The following TAB2 variants were observed in gnomAD, a reference collection of about 807,000 sequenced individuals.
TAB2 encodes the protein TGF-beta-activated kinase 1 and MAP3K7-binding protein 2.
Under a neutral mutation model 65.0 loss-of-function variants are expected in TAB2, and 3 were observed. The ratio of observed to expected loss-of-function variants is 0.05; its 90% confidence interval spans 0.02 to 0.12. TAB2 has a LOEUF of 0.12. TAB2 is among the 10% of genes least tolerant of loss of function. TAB2 has a pLI of 1.00. For missense variants in TAB2, 623 were observed against 840.3 expected (o/e 0.74, Z 3.20); for synonymous variants, 298 against 285.1 (o/e 1.05, Z -0.46).
intron 1 of TAB2, among the ~76,000 whole-genome samples, chr6:149,237,140 G>A (rs532570459): frequency 1.1e-4 from 17 of 152,250 alleles, no homozygotes; most frequent in African/African-American, 4.1e-4. Context: ...TATGTATAAG[G>A]GTGTACAAAG....
intron 1 of TAB2, among the ~76,000 whole-genome samples, chr6:149,280,745 A>G (rs1393792279): frequency 1.3e-5 from 2 of 152,038 alleles, no homozygotes; most frequent in Non-Finnish European, 2.9e-5. Flanking sequence ...GTTTGAGACC[A>G]CCTGAATAAT....
chr6:149,280,447 G>T (rs1475165099), intron 1 of TAB2, among the ~76,000 whole-genome samples: 1 of 152,112 alleles, frequency 6.6e-6, no homozygotes, highest in Non-Finnish European at 1.5e-5. Context: ...TCCGCATGGT[G>T]CTTAACCCCT....
intron 3 of TAB2, 57 bp from the exon 4 acceptor site, chr6:149,397,547 T>C: frequency 1.9e-6 from 3 of 1,590,198 alleles, no homozygotes; most frequent in Admixed American, 1.7e-5. Flanking sequence ...CCAAGTCTGC[T>C]TAAAGGTTAA....
intron 1 of TAB2, among the ~76,000 whole-genome samples, chr6:149,242,839 C>T (rs765141712): frequency 6.6e-6 from 1 of 152,222 alleles, no homozygotes; most frequent in Non-Finnish European, 1.5e-5. Context: ...CCCCTGGTCA[C>T]ACCACGCAAA....
intron 1 of TAB2, among the ~76,000 whole-genome samples, chr6:149,268,772 A>G (rs1409468332): frequency 1.3e-5 from 2 of 152,218 alleles, no homozygotes; most frequent in African/African-American, 4.8e-5. Flanking sequence ...GTATATGACT[A>G]TCTTTTCTAA....
intron 1 of TAB2, among the ~76,000 whole-genome samples, chr6:149,326,162 G>A (rs1779610007): frequency 6.6e-6 from 1 of 151,160 alleles, no homozygotes; most frequent in Admixed American, 6.6e-5. Flanking sequence ...TATACAAATA[G>A]CATTCAATAC....
intron 1 of TAB2, among the ~76,000 whole-genome samples, chr6:149,359,764 A>G (rs1172370698): frequency 6.6e-6 from 1 of 152,162 alleles, no homozygotes; most frequent in South Asian, 2.1e-4. Flanking sequence ...TTCTGGCACC[A>G]GGGAATTTTT....
chr6:149,360,967 G>A (rs190326969), intron 1 of TAB2, among the ~76,000 whole-genome samples: 8 of 152,266 alleles, frequency 5.3e-5, no homozygotes, highest in South Asian at 4.1e-4. Context: ...TCCATGTCCC[G>A]CATCCAGGCC....
At chr6:149,347,078 A>C (rs1232786116) in intron 1 of TAB2, 1 of 152,244 alleles carries the variant, frequency 6.6e-6, no homozygotes, top group Non-Finnish European at 1.5e-5. Context: ...ATGAGGTATG[A>C]ATTATAAAAT....
chr6:149,408,368 A>G (rs1160429441), intron 6 of TAB2, among the ~76,000 whole-genome samples: 2 of 152,172 alleles, frequency 1.3e-5, no homozygotes, highest in African/African-American at 2.4e-5. Flanking sequence ...GCCAACACCT[A>G]AAGTTGAGGA....
chr6:149,259,385 TGGGAGAGGGCTCTGCAAAGCCTA>T (rs1173323107), intron 1 of TAB2, among the ~76,000 whole-genome samples: 3 of 133,066 alleles, frequency 2.3e-5, no homozygotes, highest in African/African-American at 9.4e-5. Flanking sequence ...ACACACAATC[TGGGAGAGGGCTCTGCAAAGCCTA>T]GGGAAGCAGT....
At chr6:149,329,028 C>T (rs768336645) in intron 1 of TAB2, among the ~76,000 whole-genome samples, 81 of 152,168 alleles carry the variant, frequency 5.3e-4, no homozygotes, top group South Asian at 1.7e-3. Context: ...GTGTGTAGTT[C>T]TACAGTGCAT....
At chr6:149,340,072 A>G (rs992588970) in intron 1 of TAB2, among the ~76,000 whole-genome samples, 3 of 152,214 alleles carry the variant, frequency 2.0e-5, no homozygotes, top group African/African-American at 7.2e-5. Context: ...GTGTTGGACT[A>G]GATAATCTAT....
At chr6:149,386,763 C>G (rs1781821553) in intron 3 of TAB2, among the ~76,000 whole-genome samples, 3 of 152,076 alleles carry the variant, frequency 2.0e-5, no homozygotes, top group Non-Finnish European at 2.9e-5. Flanking sequence ...TTCATTTCTC[C>G]CCATTTTCAA....
intron 2 of TAB2, among the ~76,000 whole-genome samples, chr6:149,377,261 C>G (rs1457947870): frequency 3.3e-5 from 5 of 151,196 alleles, no homozygotes; most frequent in Non-Finnish European, 5.9e-5. Context: ...TTAGTAGAGA[C>G]GGGATTTCAC....
Position 149,378,576 on chromosome 6 carries a change from ACTC to A in TAB2, c.664_666del (p.Pro222del). 1 of 1,613,526 alleles carries A rather than the reference ACTC, an allele frequency of 6.2e-7. No individual in the cohort carries two copies. The highest frequency in any genetic ancestry group is 8.5e-7 in the Non-Finnish European group (1 of 1,179,956). On this transcript the variant is annotated inframe_deletion, in exon 3 of 7. Transcript: ENST00000637181. Reference sequence around the variant, plus strand: ...TATCTATATTAGGCCTTACATTACAACTCCTGGTGGTACAACTCGACAGACACA... The same window carrying A: ...TATCTATATTAGGCCTTACATTACAACTGGTGGTACAACTCGACAGACACA...
chr6:149,323,299 C>G (rs946788716), intron 1 of TAB2, among the ~76,000 whole-genome samples: 1 of 152,064 alleles, frequency 6.6e-6, no homozygotes, highest in Non-Finnish European at 1.5e-5. Flanking sequence ...TTATTTGTAG[C>G]TAGATTAGTC....
At chr6:149,255,533 C>T (rs917584916) in intron 1 of TAB2, 1 of 152,098 alleles carries the variant, frequency 6.6e-6, no homozygotes, top group African/African-American at 2.4e-5. Context: ...CAATTTGCTG[C>T]TTCTTTGTAT....
At chr6:149,399,752 T>C (rs541817485) in intron 6 of TAB2, among the ~76,000 whole-genome samples, 144 of 152,308 alleles carry the variant, frequency 9.5e-4, no homozygotes, top group African/African-American at 3.3e-3. Flanking sequence ...ATATCACTGC[T>C]GAAGGTAAAA....
Sources: gnomAD v4.1 joint callset for allele counts (sites outside exome capture counted in the v4.1 genomes callset) on GRCh38, gnomAD v4.1.1 for gene constraint, MANE v1.5 for transcripts, NCBI Gene and HGNC (gene_info 2026-07-23, HGNC 2026-07-21) for gene names.